SESTD1: variants seen among roughly 807,000 people sequenced by gnomAD.
The protein encoded by SESTD1 is SEC14 domain and spectrin repeat-containing protein 1.
Under a neutral mutation model 101.7 loss-of-function variants are expected in SESTD1, and 43 were observed. The ratio of observed to expected loss-of-function variants is 0.42; its 90% CI spans 0.33 to 0.55. The LOEUF is 0.55. SESTD1 is among the 20% of genes least tolerant of loss of function. The pLI is 0.07. For missense variants in SESTD1, 647 were observed against 815.1 expected, an observed-to-expected ratio of 0.79 and a Z score of 2.51; for synonymous variants, 283 against 286.8, an observed-to-expected ratio of 0.99 and a Z score of 0.13.
chr2:179,126,924 C>G (rs1045050983), intron 10 of SESTD1, among the ~76,000 whole-genome samples: 1 of 152,186 alleles, frequency 6.6e-6, no homozygotes, highest in Non-Finnish European at 1.5e-5. Context: ...CTTCTAATGC[C>G]TCCATCTATC....
chr2:179,248,198 C>T (rs1211565753), intron 1 of SESTD1, among the ~76,000 whole-genome samples: 5 of 152,034 alleles, frequency 3.3e-5, no homozygotes, highest in African/African-American at 4.8e-5. Flanking sequence ...GGGCCACTTC[C>T]TCAAACTATC....
At chr2:179,247,058 T>C (rs1173789469) in intron 1 of SESTD1, among the ~76,000 whole-genome samples, 7 of 152,222 alleles carry the variant, frequency 4.6e-5, no homozygotes, top group African/African-American at 1.4e-4. Context: ...TATTCTTTTA[T>C]TACCTACCCA....
At chr2:179,133,588 T>C (rs778285623) in intron 9 of SESTD1, among the ~76,000 whole-genome samples, 24 of 152,118 alleles carry the variant, frequency 1.6e-4, no homozygotes, top group Non-Finnish European at 3.2e-4. Flanking sequence ...AAAAAGGAAT[T>C]TAAGAATAGA....
chr2:179,227,158 T>C (rs150151486), intron 1 of SESTD1, among the ~76,000 whole-genome samples: 18 of 151,706 alleles, frequency 1.2e-4, no homozygotes, highest in African/African-American at 4.4e-4. Flanking sequence ...ACTTTACTAC[T>C]TTTACAGCCT....
At chr2:179,253,058 C>A (rs141350174) in intron 1 of SESTD1, among the ~76,000 whole-genome samples, 2 of 152,222 alleles carry the variant, frequency 1.3e-5, no homozygotes, top group Non-Finnish European at 2.9e-5. Context: ...GGTGGCTAGG[C>A]TGACCTCACA....
chr2:179,195,156 A>G (rs545611073), intron 1 of SESTD1, among the ~76,000 whole-genome samples: 1 of 152,250 alleles, frequency 6.6e-6, no homozygotes, highest in African/African-American at 2.4e-5. Context: ...ATATGGTTTG[A>G]CTCTGTGTCC....
chr2:179,179,154 G>A (rs2046064913), intron 3 of SESTD1, among the ~76,000 whole-genome samples: 1 of 152,174 alleles, frequency 6.6e-6, no homozygotes, highest in African/African-American at 2.4e-5. Flanking sequence ...TAAGTGGAAT[G>A]ATGGCTTAAA....
In SESTD1 at chr2:179,203,719, T is replaced by C. The variant is rs1397633441; in HGVS notation, c.-25-11853A>G. Among the ~76,000 whole-genome samples the C allele has an allele frequency of 1.5e-5, 2 of 133,824 alleles. 1 individual carries two copies. Among genetic ancestry groups the C allele is most frequent in the Non-Finnish European group, 3.2e-5 (2 of 62,544 alleles). The allele number at this position is 133,824 out of a possible 152,430, so 87.8% of individuals were successfully genotyped here. Reference sequence around the variant, plus strand: ...GATTTGCAGCCAAGTCAGACAGAAGTGTGGGTAACCTGCGGACCCAATACT... The same window carrying C: ...GATTTGCAGCCAAGTCAGACAGAAGCGTGGGTAACCTGCGGACCCAATACT... On this transcript the variant is annotated intron_variant, in intron 1 of 17. Transcript: ENST00000428443.
intron 1 of SESTD1, among the ~76,000 whole-genome samples, chr2:179,199,498 A>G (rs1338624809): frequency 6.6e-6 from 1 of 152,220 alleles, no homozygotes. Context: ...CAGAGACAAA[A>G]TCAAAAAAGA....
At chr2:179,199,307 T>C (rs1329744608) in intron 1 of SESTD1, among the ~76,000 whole-genome samples, 2 of 152,116 alleles carry the variant, frequency 1.3e-5, no homozygotes, top group African/African-American at 4.8e-5. Flanking sequence ...ATTGTGGCAA[T>C]ATTCAATAGC....
chr2:179,232,740 G>A (rs553399658), intron 1 of SESTD1, among the ~76,000 whole-genome samples: 2 of 152,258 alleles, frequency 1.3e-5, no homozygotes, highest in East Asian at 3.9e-4. Context: ...AGTATATACT[G>A]TTAAGTCGGA....
chr2:179,150,043 C>T (rs192465275), intron 6 of SESTD1, among the ~76,000 whole-genome samples: 21 of 152,088 alleles, frequency 1.4e-4, no homozygotes, highest in African/African-American at 5.1e-4. Context: ...GCCTGGGCAA[C>T]ATGGAGACTC....
chr2:179,219,814 C>G (rs1374808380), intron 1 of SESTD1, among the ~76,000 whole-genome samples: 1 of 152,070 alleles, frequency 6.6e-6, no homozygotes, highest in African/African-American at 2.4e-5. Context: ...TTTGAGTAGA[C>G]CTAAAATGAA....
chr2:179,132,034 T>G (rs574513590), intron 10 of SESTD1: 2 of 243,358 alleles, frequency 8.2e-6, no homozygotes, highest in East Asian at 1.7e-4. Flanking sequence ...TTATCACTCT[T>G]TTTTCTGTCA....
In SESTD1 at chr2:179,206,569, G is replaced by A. The variant is rs1467268980; in HGVS notation, c.-25-14703C>T. Reference sequence around the variant, plus strand: ...CATTTCACAGAGGTCCCTTAGGGAAGGTAAGGCAGCTGGTGAAATTGGGGG... The same window carrying A: ...CATTTCACAGAGGTCCCTTAGGGAAAGTAAGGCAGCTGGTGAAATTGGGGG... On this transcript the variant is annotated intron_variant, in intron 1 of 17. Transcript: ENST00000428443. 2.2e-5 allele frequency among the ~76,000 whole-genome samples: 3 copies of A among 135,726 alleles called. 1 individual carries two copies. Among genetic ancestry groups the A allele is most frequent in the Non-Finnish European group, 4.8e-5 (3 of 62,900 alleles). The allele number at this position is 135,726 out of a possible 152,430, so 89.0% of individuals were successfully genotyped here. A position where few individuals can be genotyped will look rare whatever the true frequency, so the allele number is the denominator to read the frequency against.
chr2:179,144,200 A>G (rs2045346799), intron 8 of SESTD1, among the ~76,000 whole-genome samples: 1 of 152,064 alleles, frequency 6.6e-6, no homozygotes, highest in Admixed American at 6.6e-5. Flanking sequence ...ATTTCCCTGT[A>G]GAGCAAAATT....
In SESTD1 at chr2:179,101,814, TAAC is replaced by T. The variant is rs2044281343; in HGVS notation, c.*8082_*8084del. Reference sequence around the variant, plus strand: ...AAAACCTAGAGATGGATGGATACTCTAACATGTAAAGTAAACATGTCCATTAAT... The same window carrying T: ...AAAACCTAGAGATGGATGGATACTCTATGTAAAGTAAACATGTCCATTAAT... On this transcript the variant is annotated 3_prime_UTR_variant, in exon 18 of 18. Transcript: ENST00000428443. The T allele has an allele frequency of 6.6e-6, 1 of 152,170 alleles. No individual in the cohort carries two copies. The highest frequency in any genetic ancestry group is 2.4e-5 in the African/African-American group (1 of 41,446). The allele number at this position is 152,170 out of a possible 1,614,324, so 9.4% of individuals were successfully genotyped here.
chr2:179,141,470 T>A (rs563781320), intron 9 of SESTD1, among the ~76,000 whole-genome samples: 1 of 152,266 alleles, frequency 6.6e-6, no homozygotes, highest in East Asian at 1.9e-4. Flanking sequence ...CATCATGACA[T>A]TGCTGAGCCT....
intron 1 of SESTD1, among the ~76,000 whole-genome samples, chr2:179,198,760 G>A (rs2046448659): frequency 6.6e-6 from 1 of 152,028 alleles, no homozygotes. Flanking sequence ...AAACCAACGA[G>A]AACACAGACA....
Sources: allele counts gnomAD v4.1 joint callset (sites outside exome capture counted in the v4.1 genomes callset), GRCh38; gene constraint gnomAD v4.1.1; transcripts MANE v1.5; gene names NCBI Gene and HGNC (gene_info 2026-07-23, HGNC 2026-07-21).